Variants in STAB2 observed in about 807,000 individuals in gnomAD.
STAB2 encodes the protein stabilin-2.
STAB2 carries 288 observed loss-of-function variants against 338.1 expected under a neutral mutation model. The observed-to-expected ratio is 0.85, with a 90% CI of 0.77 to 0.94. The LOEUF (loss-of-function observed/expected upper bound fraction) is 0.94, where lower values mean the gene tolerates loss of function less well. STAB2 is among the 40% of genes least tolerant of loss of function. STAB2 has a pLI of 0.00. For synonymous variants in STAB2, 1,202 were observed against 1,193.3 expected, an observed-to-expected ratio of 1.01 and a Z score of -0.15; for missense variants, 3,141 against 3,210.1, an observed-to-expected ratio of 0.98 and a Z score of 0.52.
In STAB2 at chr12:103,640,255, G is replaced by A; in HGVS notation, c.1039G>A (p.Glu347Lys). ...CACCACCGTCGCACCAGGCCGAACT[G>A]AGTAAGTCTTTTCAATTCCTCCACC... ...NCTTVAPGRT[E>K]CICQKGYVGD... Residue 347 changes from glutamate (E) to lysine (K), a missense_variant and splice_region_variant, in exon 9 of 69, where the codon GAA (glutamate) becomes AAA (lysine). Glu to Lys is a moderately conservative substitution (Grantham distance 56). Coordinates refer to ENST00000388887, the MANE Select transcript of STAB2 (RefSeq NM_017564.10). 1 of 1,608,810 alleles carries A rather than the reference G, an allele frequency of 6.2e-7. No individual in the cohort carries two copies. The highest frequency in any genetic ancestry group is 1.1e-5 in the South Asian group (1 of 90,222).
At chr12:103,609,227 G>A (rs564131270) in intron 3 of STAB2, among the ~76,000 whole-genome samples, 2,201 of 152,286 alleles carry the variant, frequency 0.014, 57 homozygotes, top group African/African-American at 0.05. Flanking sequence ...TGTGAAGAAA[G>A]TCATTGGTAG....
chr12:103,725,807 A>G (rs906447453), intron 45 of STAB2, among the ~76,000 whole-genome samples: 6 of 152,254 alleles, frequency 3.9e-5, no homozygotes, highest in African/African-American at 1.4e-4. Flanking sequence ...CAAATCTGCC[A>G]TAAACCTATA....
chr12:103,652,836 C>T (rs113755915), intron 12 of STAB2, 131 bp downstream of exon 12: 2 of 1,065,544 alleles, frequency 1.9e-6, no homozygotes, highest in African/African-American at 3.3e-5. Context: ...TATTATTTGT[C>T]AAACACCTTA....
chr12:103,622,084 A>C lies in STAB2; in HGVS notation c.460A>C (p.Asn154His), dbSNP rs1957311197. ...GTACETCADD[N>H]LFGPSCSSVC... ...AGCCTGTGAAACCTGTGCTGACGAC[A>C]ACTTATTTGGACCCAGCTGTTCATC... The change falls in exon 5 of 69, where the codon AAC becomes CAC. Residue 154 changes from asparagine (N) to histidine (H), a missense_variant. Physicochemically the swap from Asn to His is moderately conservative, Grantham distance 68. Coordinates refer to ENST00000388887, the MANE Select transcript of STAB2 (RefSeq NM_017564.10). 2 of 1,614,210 alleles carry C rather than the reference A, an allele frequency of 1.2e-6. No individual in the cohort carries two copies. Among genetic ancestry groups the C allele is most frequent in the South Asian group, 2.2e-5 (2 of 91,086 alleles).
intron 3 of STAB2, among the ~76,000 whole-genome samples, chr12:103,608,501 T>G (rs1957069713): frequency 6.6e-6 from 1 of 152,242 alleles, no homozygotes; most frequent in African/African-American, 2.4e-5. Context: ...TTGAGGAGTG[T>G]CTGTTCATAT....
chr12:103,728,221 G>A (rs1293196940), intron 47 of STAB2, among the ~76,000 whole-genome samples: 1 of 152,046 alleles, frequency 6.6e-6, no homozygotes, highest in Non-Finnish European at 1.5e-5. Flanking sequence ...CCATGATCTC[G>A]GCTCACTGCA....
chr12:103,607,731 G>A (rs989143862), intron 3 of STAB2, among the ~76,000 whole-genome samples: 6 of 152,138 alleles, frequency 3.9e-5, no homozygotes, highest in East Asian at 3.9e-4. Flanking sequence ...CTTTTTTATC[G>A]CTGCATAGTA....
At chr12:103,682,887 G>T (rs947120090) in intron 25 of STAB2, among the ~76,000 whole-genome samples, 2 of 152,176 alleles carry the variant, frequency 1.3e-5, no homozygotes, top group Non-Finnish European at 2.9e-5. Context: ...GGCAGAAGTT[G>T]CAGTGAGCCA....
rs535551952 is a variant in STAB2, at chr12:103,680,242, T to A, written c.2805+2631T>A. 3.3e-5 allele frequency among the ~76,000 whole-genome samples: 5 copies of A among 152,370 alleles called. No homozygotes were observed. In the East Asian group the frequency reaches 9.6e-4, roughly 29 times the overall value. ...TGTACACGAATGTGAATGTATTTAA[T>A]GCCCCTTAACTATACATTTTTAAAT... On this transcript the variant is annotated intron_variant, in intron 25 of 68. Transcript: ENST00000388887.
intron 63 of STAB2, 172 bp from the exon 64 acceptor site, chr12:103,757,998 A>G: frequency 1.1e-6 from 1 of 910,232 alleles, no homozygotes; most frequent in Non-Finnish European, 1.6e-6. Context: ...GGAAAGGAAA[A>G]GTCCTCAAAC....
chr12:103,639,716 A>AC (rs1957608495), intron 8 of STAB2, among the ~76,000 whole-genome samples: 2 of 151,732 alleles, frequency 1.3e-5, no homozygotes, highest in South Asian at 2.1e-4. Context: ...AAAAAAAAAA[A>AC]AAAAAAAAAA....
intron 61 of STAB2, 166 bp from the exon 62 acceptor site, chr12:103,755,136 C>T: frequency 1.1e-6 from 1 of 871,098 alleles, no homozygotes; most frequent in Non-Finnish European, 1.8e-6. Flanking sequence ...CTCAATCAAT[C>T]AGTCAACATC....
At chr12:103,685,907 C>CCCCT (rs1877387655) in intron 27 of STAB2, among the ~76,000 whole-genome samples, 1 of 151,500 alleles carries the variant, frequency 6.6e-6, no homozygotes, top group Non-Finnish European at 1.5e-5. Flanking sequence ...TTCTTTTCAT[C>CCCCT]CCCTCCCTCC....
At chr12:103,675,835 T>G in intron 23 of STAB2, 93 bp from the exon 24 acceptor site, 1 of 955,032 alleles carries the variant, frequency 1.0e-6, no homozygotes, top group Non-Finnish European at 1.6e-6. Flanking sequence ...ATGGAGCCAT[T>G]TGGCCAGGAA....
At chr12:103,710,344 AAAT>A (rs1879737077) in intron 39 of STAB2, among the ~76,000 whole-genome samples, 1 of 141,502 alleles carries the variant, frequency 7.1e-6, no homozygotes, top group African/African-American at 2.6e-5. Context: ...CTAGAAAAGG[AAAT>A]AAATGTTTAG....
At chr12:103,653,743 GATGA>G (rs1423195061) in intron 12 of STAB2, among the ~76,000 whole-genome samples, 11 of 148,364 alleles carry the variant, frequency 7.4e-5, no homozygotes, top group South Asian at 2.1e-4. Context: ...TGGATGGATG[GATGA>G]ATGGATGGAT....
chr12:103,619,256 C>T (rs1407032432), intron 3 of STAB2, among the ~76,000 whole-genome samples: 1 of 152,124 alleles, frequency 6.6e-6, no homozygotes, highest in Non-Finnish European at 1.5e-5. Flanking sequence ...AGACACATTT[C>T]ATGGTCATTG....
At chr12:103,607,848 C>A (rs941339402) in intron 3 of STAB2, among the ~76,000 whole-genome samples, 1 of 152,112 alleles carries the variant, frequency 6.6e-6, no homozygotes, top group African/African-American at 2.4e-5. Flanking sequence ...AATAAACATA[C>A]GTGTGCATGT....
At chr12:103,699,545 T>C (rs565473974) in intron 34 of STAB2, among the ~76,000 whole-genome samples, 1 of 152,124 alleles carries the variant, frequency 6.6e-6, no homozygotes, top group African/African-American at 2.4e-5. Flanking sequence ...ATGAGACTTA[T>C]TCACTATCAC....
Sources: gnomAD v4.1 joint callset for allele counts (sites outside exome capture counted in the v4.1 genomes callset) on GRCh38, gnomAD v4.1.1 for gene constraint, MANE v1.5 for transcripts, NCBI Gene and HGNC (gene_info 2026-07-23, HGNC 2026-07-21) for gene names.